DCC: variants seen among roughly 807,000 people sequenced by gnomAD.
DCC encodes the protein netrin receptor DCC.
In DCC, 58 loss-of-function variants were observed where a neutral mutation model predicts 172.5. The ratio of observed to expected loss-of-function variants is 0.34; its 90% confidence interval spans 0.27 to 0.42. The LOEUF (loss-of-function observed/expected upper bound fraction) is 0.42, where lower values mean the gene tolerates loss of function less well. Ranked by LOEUF, DCC falls within the 10% of genes least tolerant of loss-of-function variation. DCC has a pLI of 1.00. For missense variants in DCC, 1,740 were observed against 1,791.0 expected (o/e 0.97, Z 0.51); for synonymous variants, 709 against 644.5 (o/e 1.10, Z -1.52).
At chr18:52,506,073 T>TTA (rs2031219116) in intron 1 of DCC, among the ~76,000 whole-genome samples, 3 of 151,738 alleles carry the variant, frequency 2.0e-5, no homozygotes, top group Non-Finnish European at 4.4e-5. Context: ...CCTTCTATAT[T>TTA]ACCTATGCCA....
chr18:52,726,757 T>G (rs753754376), intron 1 of DCC, among the ~76,000 whole-genome samples: 20 of 152,312 alleles, frequency 1.3e-4, no homozygotes, highest in Non-Finnish European at 2.6e-4. Flanking sequence ...CCAAGCTATG[T>G]GGTCTCTCTG....
chr18:53,365,179 G>C (rs1333248522), intron 15 of DCC, among the ~76,000 whole-genome samples: 3 of 151,418 alleles, frequency 2.0e-5, no homozygotes, highest in African/African-American at 7.3e-5. Context: ...TGAGATGTTT[G>C]GTTTTTTGTC....
At chr18:52,819,867 C>A (rs1353962037) in intron 2 of DCC, among the ~76,000 whole-genome samples, 2 of 151,626 alleles carry the variant, frequency 1.3e-5, no homozygotes, top group African/African-American at 4.9e-5. Flanking sequence ...TACAGGTGCC[C>A]ACCACCATGC....
chr18:52,977,161 C>G (rs2145597058), intron 5 of DCC, among the ~76,000 whole-genome samples: 1 of 151,916 alleles, frequency 6.6e-6, no homozygotes, highest in East Asian at 1.9e-4. Flanking sequence ...TTTTCTTACC[C>G]CTCATAACTA....
At chr18:52,733,844 A>G (rs116158680) in intron 1 of DCC, among the ~76,000 whole-genome samples, 107 of 152,234 alleles carry the variant, frequency 7.0e-4, no homozygotes, top group African/African-American at 2.6e-3. Flanking sequence ...TAATGGGTAA[A>G]CAACATTAAG....
intron 12 of DCC, among the ~76,000 whole-genome samples, chr18:53,224,867 G>A (rs1009158974): frequency 6.6e-6 from 1 of 152,168 alleles, no homozygotes; most frequent in Non-Finnish European, 1.5e-5. Flanking sequence ...CAATCATGTA[G>A]ACAAGTTGGT....
intron 2 of DCC, among the ~76,000 whole-genome samples, chr18:52,899,779 A>G (rs186890396): frequency 2.6e-5 from 4 of 152,210 alleles, no homozygotes; most frequent in Admixed American, 2.0e-4. Context: ...TATAGGCATA[A>G]GCTACCACTC....
intron 1 of DCC, among the ~76,000 whole-genome samples, chr18:52,414,218 A>C (rs1442497308): frequency 6.6e-6 from 1 of 151,988 alleles, no homozygotes; most frequent in Non-Finnish European, 1.5e-5. Flanking sequence ...GTAGCTGGGA[A>C]TACAGGTGCC....
chr18:52,700,285 CACAT>C (rs2036096128), intron 1 of DCC, among the ~76,000 whole-genome samples: 1 of 81,632 alleles, frequency 1.2e-5, no homozygotes, highest in African/African-American at 4.9e-5. Flanking sequence ...CACATGCACA[CACAT>C]GCACATCCAC....
intron 27 of DCC, among the ~76,000 whole-genome samples, chr18:53,512,162 C>G (rs538076093): frequency 6.6e-6 from 1 of 150,532 alleles, no homozygotes; most frequent in Admixed American, 6.8e-5. Flanking sequence ...CCCCGACCCC[C>G]CAGCAGCCTA....
At chr18:53,127,549 G>A (rs1248591054) in intron 7 of DCC, among the ~76,000 whole-genome samples, 1 of 152,032 alleles carries the variant, frequency 6.6e-6, no homozygotes, top group Non-Finnish European at 1.5e-5. Flanking sequence ...ACTATCACCA[G>A]TCCCATTTAA....
At chr18:53,521,723 G>C (rs1263382589) in intron 27 of DCC, among the ~76,000 whole-genome samples, 1 of 151,940 alleles carries the variant, frequency 6.6e-6, no homozygotes. Context: ...GCATGTGTTT[G>C]GTTACATATT....
chr18:52,526,510 T>C (rs577409508), intron 1 of DCC, among the ~76,000 whole-genome samples: 7 of 152,004 alleles, frequency 4.6e-5, no homozygotes, highest in African/African-American at 1.7e-4. Flanking sequence ...TGGGCACTGA[T>C]CTAGAATGCA....
intron 7 of DCC, among the ~76,000 whole-genome samples, chr18:53,142,129 C>G (rs1015165555): frequency 2.0e-5 from 3 of 152,166 alleles, no homozygotes; most frequent in African/African-American, 7.2e-5. Context: ...TGGAATGACA[C>G]AGGAATGTAG....
chr18:53,058,771 G>A (rs1288696253), intron 5 of DCC, among the ~76,000 whole-genome samples: 4 of 152,050 alleles, frequency 2.6e-5, no homozygotes, highest in African/African-American at 9.7e-5. Flanking sequence ...TCAAGATAAA[G>A]CACATGCACA....
At chr18:52,944,871 A>T (rs577183973) in intron 5 of DCC, among the ~76,000 whole-genome samples, 2 of 152,324 alleles carry the variant, frequency 1.3e-5, no homozygotes, top group East Asian at 3.9e-4. Flanking sequence ...GGTATTTATG[A>T]TAAGAAAAGA....
intron 7 of DCC, among the ~76,000 whole-genome samples, chr18:53,137,256 C>G (rs563854169): frequency 6.6e-6 from 1 of 152,308 alleles, no homozygotes; most frequent in East Asian, 1.9e-4. Flanking sequence ...AGGTTGAGGT[C>G]TCATCAGAGG....
intron 1 of DCC, among the ~76,000 whole-genome samples, chr18:52,694,369 G>T (rs2035978001): frequency 6.6e-6 from 1 of 151,898 alleles, no homozygotes; most frequent in East Asian, 1.9e-4. Flanking sequence ...TAAAAAACTG[G>T]TGTAAAAAAA....
chr18:53,060,806 G>A (rs2042484101), intron 5 of DCC, among the ~76,000 whole-genome samples: 3 of 152,098 alleles, frequency 2.0e-5, no homozygotes, highest in African/African-American at 7.2e-5. Context: ...GAATCTGTGT[G>A]AAACTGTTAG....
Sources: allele counts gnomAD v4.1 joint callset (sites outside exome capture counted in the v4.1 genomes callset), GRCh38; gene constraint gnomAD v4.1.1; transcripts MANE v1.5; gene names NCBI Gene and HGNC (gene_info 2026-07-23, HGNC 2026-07-21).